Variants in SFMBT2 observed in about 807,000 individuals in gnomAD.
SFMBT2 encodes the protein Scm like with four mbt domains 2.
SFMBT2 carries 38 observed loss-of-function variants against 110.1 expected under a neutral mutation model. That is an observed-to-expected ratio of 0.35 (90% CI 0.27 to 0.45). SFMBT2 has a LOEUF of 0.45. Ranked by LOEUF, SFMBT2 falls within the 20% of genes least tolerant of loss-of-function variation. The probability of loss-of-function intolerance (pLI) is 1.00; values close to 1 mark genes in which losing one functional copy is unlikely to be tolerated. For synonymous variants in SFMBT2, 425 were observed against 425.4 expected (o/e 1.00, Z 0.01); for missense variants, 1,011 against 1,094.9 (o/e 0.92, Z 1.08).
chr10:7,370,437 T>C, intron 2 of SFMBT2, 62 bp from the exon 3 acceptor site: 1 of 1,349,620 alleles, frequency 7.4e-7, no homozygotes. Flanking sequence ...GGTGCTGGCC[T>C]GCAACTGAGA....
At chr10:7,164,337 G>C (rs948204499) in intron 20 of SFMBT2, 1 of 819,240 alleles carries the variant, frequency 1.2e-6, no homozygotes, top group Non-Finnish European at 1.5e-6. Flanking sequence ...AGTGAGCTGT[G>C]ATCATACCAC....
rs576032540 is a variant in SFMBT2 at position 7,215,632 on chromosome 10, G to A, written c.1330+4779C>T. ...CACCTGCATGGCTCACATCCATGGA[G>A]GCAGGGCCCCGCAGAGGCAGCACAG... On this transcript the variant is annotated intron_variant, in intron 11 of 20. Transcript: ENST00000397167. 1.8e-5 allele frequency: 18 copies of A among 985,360 alleles called. No homozygotes were observed. In the East Asian group the frequency reaches 1.8e-3, roughly 100 times the overall value. The allele number at this position is 985,360 out of a possible 1,614,324, so 61.0% of individuals were successfully genotyped here.
chr10:7,392,967 C>T (rs1845809893), intron 1 of SFMBT2, among the ~76,000 whole-genome samples: 1 of 110,868 alleles, frequency 9.0e-6, no homozygotes, highest in African/African-American at 3.1e-5. Flanking sequence ...CCTATATATA[C>T]AAGTATGTGG....
At chr10:7,244,151 T>C (rs1840530525) in intron 8 of SFMBT2, 1 of 292,914 alleles carries the variant, frequency 3.4e-6, no homozygotes, top group Non-Finnish European at 5.1e-6. Flanking sequence ...TGGAGCTTTC[T>C]AGCCTCCTCC....
intron 10 of SFMBT2, 119 bp downstream of exon 10, chr10:7,227,736 T>C (rs1839936848): frequency 6.4e-6 from 5 of 786,410 alleles, no homozygotes; most frequent in Non-Finnish European, 1.0e-5. Flanking sequence ...AGACATTTTG[T>C]AGTTCTCCAG....
At chr10:7,342,087 A>G (rs1360386541) in intron 4 of SFMBT2, among the ~76,000 whole-genome samples, 4 of 151,712 alleles carry the variant, frequency 2.6e-5, no homozygotes, top group Non-Finnish European at 4.4e-5. Flanking sequence ...CCTCATTAAA[A>G]AAAAAAAAAA....
intron 4 of SFMBT2, among the ~76,000 whole-genome samples, chr10:7,297,283 G>A (rs774618168): frequency 2.0e-5 from 3 of 152,326 alleles, no homozygotes; most frequent in Non-Finnish European, 4.4e-5. Flanking sequence ...GGAAATGGCA[G>A]GCTCCAGATG....
chr10:7,370,484 A>G, intron 2 of SFMBT2, 109 bp from the exon 3 acceptor site: 1 of 926,818 alleles, frequency 1.1e-6, no homozygotes, highest in Non-Finnish European at 1.7e-6. Flanking sequence ...AGCTAATTCC[A>G]CAGTTCAGAA....
chr10:7,274,591 G>C (rs1356609972), intron 7 of SFMBT2, among the ~76,000 whole-genome samples: 2 of 152,160 alleles, frequency 1.3e-5, no homozygotes, highest in Non-Finnish European at 2.9e-5. Context: ...ATGATTTTAA[G>C]TTTCCTGAGG....
rs933105679 is a variant in SFMBT2 at position 7,346,850 on chromosome 10, G to A, written c.436+20799C>T. Among the ~76,000 whole-genome samples the A allele has an allele frequency of 7.2e-5, 11 of 151,768 alleles. 1 individual carries two copies. The South Asian group carries it at 1.9e-3, about 26-fold the overall frequency. On this transcript the variant is annotated intron_variant, in intron 4 of 20. Coordinates refer to ENST00000397167, the MANE Select transcript of SFMBT2 (RefSeq NM_001387889.1). Reference sequence around the variant, plus strand: ...AAAAAAAAAAAATTGGCCGGGCATGGTGGCAGGCGCCTGTAATCCCAGCTA... The same window carrying A: ...AAAAAAAAAAAATTGGCCGGGCATGATGGCAGGCGCCTGTAATCCCAGCTA...
chr10:7,386,594 C>CA (rs113274336), intron 1 of SFMBT2, among the ~76,000 whole-genome samples: 39 of 145,020 alleles, frequency 2.7e-4, no homozygotes, highest in South Asian at 8.7e-4. Flanking sequence ...GGAGTCGGAG[C>CA]AAAAAAAAAA....
chr10:7,332,031 A>G (rs1843574628), intron 4 of SFMBT2, among the ~76,000 whole-genome samples: 1 of 142,162 alleles, frequency 7.0e-6, no homozygotes, highest in Non-Finnish European at 1.5e-5. Flanking sequence ...AAAAAAAAAA[A>G]AAAAAAGGAA....
chr10:7,314,871 G>A (rs1224987433), intron 4 of SFMBT2, among the ~76,000 whole-genome samples: 1 of 151,238 alleles, frequency 6.6e-6, no homozygotes, highest in Non-Finnish European at 1.5e-5. Context: ...TCGTGTCACT[G>A]CACTTCAGCC....
At chr10:7,176,230 C>G in intron 16 of SFMBT2, 65 bp from the exon 17 acceptor site, 1 of 1,494,724 alleles carries the variant, frequency 6.7e-7, no homozygotes, top group Non-Finnish European at 9.2e-7. Flanking sequence ...CTATTCTGTA[C>G]CACACATTCC....
intron 16 of SFMBT2, among the ~76,000 whole-genome samples, chr10:7,179,331 AAG>A (rs1344259008): frequency 1.4e-5 from 2 of 139,892 alleles, no homozygotes; most frequent in Admixed American, 8.0e-5. Context: ...CGTGCCTTTG[AAG>A]AGGGACTCCA....
chr10:7,367,646 C>A lies in SFMBT2; in HGVS notation c.436+3G>T. ...AATCGAAGCCTTTGAAACAGGGGCTCACCGTCCGGCGGCATCAACACCTTG... is the reference window on the plus strand; with the variant it reads ...AATCGAAGCCTTTGAAACAGGGGCTAACCGTCCGGCGGCATCAACACCTTG... On this transcript the variant is annotated splice_donor_region_variant and intron_variant, in intron 4 of 20. Coordinates refer to ENST00000397167, the MANE Select transcript of SFMBT2 (RefSeq NM_001387889.1). The surrounding 1 kb of genome is among the most constrained non-coding windows in gnomAD (Gnocchi z 6.2). 1 of 1,605,262 alleles carries A rather than the reference C, an allele frequency of 6.2e-7. No homozygotes were observed. Among genetic ancestry groups the A allele is most frequent in the South Asian group, 1.1e-5 (1 of 90,848 alleles).
At position 7,381,395 on chromosome 10, in the gene SFMBT2, C is replaced by G. The variant is rs148186033; in HGVS notation, c.100+404G>C. 5.5e-3 allele frequency among the ~76,000 whole-genome samples: 835 copies of G among 152,280 alleles called. 10 individuals are homozygous for G. The highest frequency in any genetic ancestry group is 0.019 in the African/African-American group (775 of 41,548). On this transcript the variant is annotated intron_variant, in intron 2 of 20. Transcript: ENST00000397167. ...CAGAAACATGCAACTAACTTCCTGT[C>G]AAGGGGTTCTGAGCAAAAATGGCAT...
At chr10:7,174,178 T>C (rs576504574) in intron 17 of SFMBT2, among the ~76,000 whole-genome samples, 9 of 152,216 alleles carry the variant, frequency 5.9e-5, no homozygotes, top group South Asian at 4.1e-4. Flanking sequence ...CTTGGAACAA[T>C]GTCCCGTGTC....
intron 9 of SFMBT2, among the ~76,000 whole-genome samples, chr10:7,228,958 C>T (rs914017253): frequency 1.3e-5 from 2 of 151,940 alleles, no homozygotes; most frequent in Non-Finnish European, 2.9e-5. Context: ...TAATGGGAGT[C>T]TCATCGGCAC....
Sources: allele counts gnomAD v4.1 joint callset (sites outside exome capture counted in the v4.1 genomes callset), GRCh38; gene constraint gnomAD v4.1.1; non-coding constraint Gnocchi (gnomAD v3.1); transcripts MANE v1.5; gene names NCBI Gene and HGNC (gene_info 2026-07-23, HGNC 2026-07-21).